MKKS: variants seen among roughly 807,000 people sequenced by gnomAD.
MKKS encodes the protein MKKS centrosomal shuttling protein.
In MKKS, 29 loss-of-function variants were observed where a neutral mutation model predicts 33.2. That is an observed-to-expected ratio of 0.87 (90% CI 0.65 to 1.19). The LOEUF (loss-of-function observed/expected upper bound fraction) is 1.19. Ranked by LOEUF, MKKS falls within the 50% of genes most tolerant of loss-of-function variation. The probability of loss-of-function intolerance (pLI) is 0.00; values close to 1 mark genes in which losing one functional copy is unlikely to be tolerated. For synonymous variants in MKKS, 260 were observed against 244.0 expected (o/e 1.07, Z -0.61); for missense variants, 661 against 662.3 (o/e 1.00, Z 0.02).
Position 10,405,600 on chromosome 20 carries a change from G to A in MKKS, c.1360C>T (p.Leu454=), listed in dbSNP as rs1210784201. 3.1e-6 allele frequency: 5 copies of A among 1,613,988 alleles called. No homozygotes were observed. The Admixed American group carries it at 6.7e-5, about 22-fold the overall frequency. The change falls in exon 6 of 6, where the codon CTA becomes TTA. Residue 454 remains leucine (L), a synonymous_variant. Transcript: ENST00000347364. ...QLIAEAFCSA[L]ESVVGSLEHD... Reference sequence around the variant, plus strand: ...TCTAAAGAGCCAACAACAGATTCTAGGGCACTGCAAAATGCTTCAGCAATT... The same window carrying A: ...TCTAAAGAGCCAACAACAGATTCTAAGGCACTGCAAAATGCTTCAGCAATT...
chr20:10,404,911 C>T lies in MKKS; in HGVS notation c.*336G>A. On this transcript the variant is annotated 3_prime_UTR_variant, in exon 6 of 6. Coordinates refer to ENST00000347364, the MANE Select transcript of MKKS (RefSeq NM_170784.3). Reference sequence around the variant, plus strand: ...GGAAAATATCTAAAATATGTATATCCAAACTAGAGCATGGATTAGGAGTCT... The same window carrying T: ...GGAAAATATCTAAAATATGTATATCTAAACTAGAGCATGGATTAGGAGTCT... The T allele has an allele frequency of 5.6e-6, 1 of 178,628 alleles. No homozygotes were observed. 11.1% of individuals were successfully genotyped at this position (178,628 alleles called of 1,614,324 possible). A position where few individuals can be genotyped will look rare whatever the true frequency, so the allele number is the denominator to read the frequency against.
chr20:10,426,759 T>A (rs2065016968), intron 1 of MKKS, among the ~76,000 whole-genome samples: 1 of 152,178 alleles, frequency 6.6e-6, no homozygotes, highest in South Asian at 2.1e-4. Context: ...TCATTTCACT[T>A]GTCCAAAATT....
rs756277808 is a variant in MKKS, at chr20:10,408,608, A to ATTCAAAG, written c.1161+13_1161+19dup. ...TCCTCCCTCAGCCTCTGCATATGGA[A>ATTCAAAG]TTCAAAGTTCATTACCTACCTTCAG... On this transcript the variant is annotated intron_variant, in intron 4 of 5. Coordinates refer to ENST00000347364, the MANE Select transcript of MKKS (RefSeq NM_170784.3). 27 of 1,612,980 alleles carry ATTCAAAG rather than the reference A, an allele frequency of 1.7e-5. No individual in the cohort carries two copies. Among genetic ancestry groups the ATTCAAAG allele is most frequent in the Middle Eastern group, 1.7e-4 (1 of 6,056 alleles).
At chr20:10,415,999 A>G (rs564674427) in intron 2 of MKKS, among the ~76,000 whole-genome samples, 13 of 152,294 alleles carry the variant, frequency 8.5e-5, no homozygotes, top group Admixed American at 3.3e-4. Flanking sequence ...AAAAAAAACC[A>G]AACCACTGGG....
intron 1 of MKKS, among the ~76,000 whole-genome samples, chr20:10,425,681 G>A (rs780327348): frequency 4.7e-4 from 72 of 152,172 alleles, no homozygotes; most frequent in Non-Finnish European, 1.9e-4. Flanking sequence ...GATTTCTCAA[G>A]AATAAGCTCA....
Position 10,403,650 on chromosome 20 carries a change from C to T in MKKS, c.*1597G>A, listed in dbSNP as rs2064823157. 6.6e-6 allele frequency: 1 copy of T among 152,190 alleles called. No individual in the cohort carries two copies. Among genetic ancestry groups the T allele is most frequent in the Non-Finnish European group, 1.5e-5 (1 of 68,048 alleles). 9.4% of individuals were successfully genotyped at this position (152,190 alleles called of 1,614,324 possible). On this transcript the variant is annotated 3_prime_UTR_variant, in exon 6 of 6. Transcript: ENST00000347364. ...GGATAAGGCATAACCATAACCATCA[C>T]CATAACATTCTGTCCACAAAGCTGG...
chr20:10,410,263 T>C (rs1050773577), intron 3 of MKKS, among the ~76,000 whole-genome samples: 2 of 152,186 alleles, frequency 1.3e-5, no homozygotes, highest in African/African-American at 4.8e-5. Context: ...TTAACTTTTC[T>C]GCCTCCCTCA....
chr20:10,430,664 G>C (rs776943518), intron 1 of MKKS, among the ~76,000 whole-genome samples: 19 of 152,282 alleles, frequency 1.2e-4, no homozygotes, highest in Non-Finnish European at 2.2e-4. Context: ...GTTTGACTAG[G>C]GTAGTGAATC....
chr20:10,416,617 G>T (rs112675579), intron 2 of MKKS, among the ~76,000 whole-genome samples: 1 of 152,112 alleles, frequency 6.6e-6, no homozygotes, highest in Non-Finnish European at 1.5e-5. Context: ...GGAATTACAG[G>T]GATAAAACAT....
intron 4 of MKKS, among the ~76,000 whole-genome samples, chr20:10,408,325 T>G (rs1382149637): frequency 6.6e-6 from 1 of 152,174 alleles, no homozygotes; most frequent in African/African-American, 2.4e-5. Context: ...TTTTTCCAAG[T>G]GAATTATTCA....
chr20:10,427,170 T>C (rs146182793), intron 1 of MKKS, among the ~76,000 whole-genome samples: 97 of 152,080 alleles, frequency 6.4e-4, no homozygotes, highest in African/African-American at 2.0e-3. Context: ...TCTAGCATAG[T>C]ATTAGTTAAA....
At chr20:10,417,328 T>C (rs763393799) in intron 2 of MKKS, among the ~76,000 whole-genome samples, 5 of 152,044 alleles carry the variant, frequency 3.3e-5, no homozygotes, top group Non-Finnish European at 7.4e-5. Context: ...TTAGCAACAC[T>C]GGCTAGACGC....
Position 10,403,815 on chromosome 20 carries a change from G to A in MKKS, c.*1432C>T, listed in dbSNP as rs1407699133. The A allele has an allele frequency of 6.6e-6, 1 of 152,160 alleles. No homozygotes were observed. Among genetic ancestry groups the A allele is most frequent in the African/African-American group, 2.4e-5 (1 of 41,436 alleles). The allele number at this position is 152,160 out of a possible 1,614,324, so 9.4% of individuals were successfully genotyped here. ...CTTCTATTTGATTGTAATAATAAAA[G>A]GAGTAAAACTTTTGATAAATATTTT... On this transcript the variant is annotated 3_prime_UTR_variant, in exon 6 of 6. Coordinates refer to ENST00000347364, the MANE Select transcript of MKKS (RefSeq NM_170784.3).
At position 10,412,531 on chromosome 20, in the gene MKKS, T is replaced by A. The variant is rs2122233679; in HGVS notation, c.984A>T (p.Thr328=). The part of the protein sequence containing the change: ...VTLMEPLTKM[T]GTQPIGSLGS... ...GCAAAAGCAAAGAGTGATTTTTACC[T>A]GTCATTTTAGTCAGGGGTTCCATCA... Residue 328 remains threonine, a splice_region_variant and synonymous_variant, in exon 3 of 6, where the codon ACA becomes ACT. Transcript: ENST00000347364. The A allele has an allele frequency of 6.2e-7, 1 of 1,613,490 alleles. No individual in the cohort carries two copies. Among genetic ancestry groups the A allele is most frequent in the Non-Finnish European group, 8.5e-7 (1 of 1,179,902 alleles).
rs758787703 is a variant in MKKS at position 10,413,040 on chromosome 20, T to A, written c.475A>T (p.Thr159Ser). The change falls in exon 3 of 6, where the codon ACA becomes TCA. Residue 159 changes from threonine to serine, a missense_variant. Transcript: ENST00000347364. ...GTGAGCATACAGGCAGGTTTACTTGTTAATATACTACGCACCAAACAAAGG... is the reference window on the plus strand; with the variant it reads ...GTGAGCATACAGGCAGGTTTACTTGATAATATACTACGCACCAAACAAAGG... ...ILLCLVRSILTSKPACMLTRK... is the reference protein window; with the variant it reads ...ILLCLVRSILSSKPACMLTRK... 24 of 1,613,936 alleles carry A rather than the reference T, an allele frequency of 1.5e-5. No homozygotes were observed. The highest frequency in any genetic ancestry group is 2.7e-5 in the African/African-American group (2 of 74,916).
Position 10,403,033 on chromosome 20 carries a change from G to C in MKKS, c.*2214C>G, listed in dbSNP as rs1346920618. Reference sequence around the variant, plus strand: ...TCTCTCGTGTGGCTCCAGTGGTAGGGCTATACTCAACTCAAGGTTCCACTG... The same window carrying C: ...TCTCTCGTGTGGCTCCAGTGGTAGGCCTATACTCAACTCAAGGTTCCACTG... On this transcript the variant is annotated 3_prime_UTR_variant, in exon 6 of 6. Coordinates refer to ENST00000347364, the MANE Select transcript of MKKS (RefSeq NM_170784.3). 1 of 152,138 alleles carries C rather than the reference G, an allele frequency of 6.6e-6. No homozygotes were observed. The highest frequency in any genetic ancestry group is 1.5e-5 in the Non-Finnish European group (1 of 68,046). 9.4% of individuals were successfully genotyped at this position (152,138 alleles called of 1,614,324 possible).
chr20:10,415,158 G>T (rs2064928568), intron 2 of MKKS, among the ~76,000 whole-genome samples: 1 of 152,136 alleles, frequency 6.6e-6, no homozygotes, highest in Admixed American at 6.5e-5. Flanking sequence ...TGTGTGAAAA[G>T]AATAAAAACG....
intron 4 of MKKS, among the ~76,000 whole-genome samples, chr20:10,407,943 C>T (rs1014617788): frequency 4.6e-5 from 7 of 152,102 alleles, no homozygotes; most frequent in African/African-American, 1.4e-4. Flanking sequence ...TTTGTTTTCA[C>T]GGAGCCAGAT....
intron 1 of MKKS, among the ~76,000 whole-genome samples, chr20:10,430,058 C>T (rs903735230): frequency 2.0e-5 from 3 of 152,076 alleles, no homozygotes; most frequent in African/African-American, 7.2e-5. Flanking sequence ...AAAACAAAAA[C>T]AAATCTGGTT....
Sources: allele counts gnomAD v4.1 joint callset (sites outside exome capture counted in the v4.1 genomes callset), GRCh38; gene constraint gnomAD v4.1.1; transcripts MANE v1.5; gene names NCBI Gene and HGNC (gene_info 2026-07-23, HGNC 2026-07-21).